SAMD4A: variants seen among roughly 807,000 people sequenced by gnomAD.
SAMD4A encodes the protein sterile alpha motif domain containing 4A, also known as protein Smaug homolog 1.
In SAMD4A, 33 loss-of-function variants were observed where a neutral mutation model predicts 81.3. The observed-to-expected ratio is 0.41, with a 90% confidence interval of 0.31 to 0.54. The LOEUF is 0.54. Among genes scored for constraint, SAMD4A ranks in the 20% least tolerant of loss-of-function variants. SAMD4A has a pLI of 0.37. For missense variants in SAMD4A, 854 were observed against 951.1 expected, an observed-to-expected ratio of 0.90 and a Z score of 1.34; for synonymous variants, 389 against 382.1, an observed-to-expected ratio of 1.02 and a Z score of -0.21.
intron 6 of SAMD4A, among the ~76,000 whole-genome samples, chr14:54,753,698 G>A (rs2038170213): frequency 6.7e-6 from 1 of 150,264 alleles, no homozygotes; most frequent in Non-Finnish European, 1.5e-5. Flanking sequence ...ATATAACTTT[G>A]TAAGAAACGT....
intron 8 of SAMD4A, among the ~76,000 whole-genome samples, chr14:54,767,986 C>T (rs945668989): frequency 2.0e-5 from 3 of 152,246 alleles, no homozygotes; most frequent in Admixed American, 6.5e-5. Context: ...CCCAGGAAGG[C>T]GCCAACATTC....
In SAMD4A at chr14:54,704,820, G is replaced by A. The variant is rs1022282504; in HGVS notation, c.715+2240G>A. The stretch of plus-strand genomic sequence containing the variant: ...CAATAATATCTCTTTAAGAAAATGC[G>A]AATGTCATTGCTGTACTCCTCTGTG... On this transcript the variant is annotated intron_variant, in intron 3 of 12. Transcript: ENST00000554335. 2.4e-4 allele frequency among the ~76,000 whole-genome samples: 37 copies of A among 152,176 alleles called. 1 individual carries two copies. The highest frequency in any genetic ancestry group is 8.4e-4 in the African/African-American group (35 of 41,446).
rs147523222 is a variant in SAMD4A, at chr14:54,583,270, C to T, written c.196+15158C>T. ...AGGAACCCCAGCTAAATTTGAACTG[C>T]GAATGGGGCATACTTATACCACATA... On this transcript the variant is annotated intron_variant, in intron 2 of 12. Coordinates refer to ENST00000554335, the MANE Select transcript of SAMD4A (RefSeq NM_015589.6). Among the ~76,000 whole-genome samples, 493 of 152,198 alleles carry T rather than the reference C, an allele frequency of 3.2e-3. 4 individuals are homozygous for T. Among genetic ancestry groups the T allele is most frequent in the African/African-American group, 7.9e-3 (326 of 41,526 alleles).
At chr14:54,694,763 T>A in intron 2 of SAMD4A, 1 of 985,422 alleles carries the variant, frequency 1.0e-6, no homozygotes, top group Non-Finnish European at 1.2e-6. Flanking sequence ...TAACCCTAAC[T>A]TGAGTCCTTG....
chr14:54,566,655 G>T (rs1432364330), upstream of SAMD4A, among the ~76,000 whole-genome samples: 2 of 151,740 alleles, frequency 1.3e-5, no homozygotes, highest in African/African-American at 4.8e-5. Flanking sequence ...CGTGTGCCCA[G>T]CGCTGTGCCG....
At position 54,602,323 on chromosome 14, in the gene SAMD4A, TACACACACACACAC is replaced by T. The variant is rs3049830; in HGVS notation, c.196+34250_196+34263del. On this transcript the variant is annotated intron_variant, in intron 2 of 12. Coordinates refer to ENST00000554335, the MANE Select transcript of SAMD4A (RefSeq NM_015589.6). ...CCATTGCTAGAGGACTGCTTTAAAA[TACACACACACACAC>T]ACACACACACACACACACACACACA... Among the ~76,000 whole-genome samples, 818 of 136,630 alleles carry T rather than the reference TACACACACACACAC, an allele frequency of 6.0e-3. 3 individuals are homozygous for T. The highest frequency in any genetic ancestry group is 0.014 in the South Asian group (56 of 4,006). 89.6% of individuals were successfully genotyped at this position (136,630 alleles called of 152,430 possible). A position where few individuals can be genotyped will look rare whatever the true frequency, so the allele number is the denominator to read the frequency against.
At chr14:54,658,964 A>T (rs2035582175) in intron 2 of SAMD4A, among the ~76,000 whole-genome samples, 1 of 152,224 alleles carries the variant, frequency 6.6e-6, no homozygotes, top group Non-Finnish European at 1.5e-5. Context: ...TGGCCAAGTA[A>T]CCTGGCCTCT....
At position 54,662,349 on chromosome 14, in the gene SAMD4A, A is replaced by G. The variant is rs546624824; in HGVS notation, c.197-39713A>G. Among the ~76,000 whole-genome samples, 101 of 151,224 alleles carry G rather than the reference A, an allele frequency of 6.7e-4. 1 individual carries two copies. Among genetic ancestry groups the G allele is most frequent in the African/African-American group, 2.3e-3 (94 of 41,206 alleles). On this transcript the variant is annotated intron_variant, in intron 2 of 12. Coordinates refer to ENST00000554335, the MANE Select transcript of SAMD4A (RefSeq NM_015589.6). ...TCTCTTGTTTCACATTAAAGAGTGT[A>G]TGATTATTGTACTTATTGGCAGAGA...
intron 3 of SAMD4A, chr14:54,735,212 T>C (rs2037661761): frequency 2.5e-4 from 1 of 4,062 alleles, no homozygotes; most frequent in African/African-American, 5.4e-4. Context: ...GCCGCTTCGT[T>C]TTTTTTTTTT....
At chr14:54,740,852 T>A (rs780517161) in intron 4 of SAMD4A, among the ~76,000 whole-genome samples, 2 of 152,248 alleles carry the variant, frequency 1.3e-5, no homozygotes, top group Admixed American at 6.5e-5. Flanking sequence ...TTAGTAAATG[T>A]CCATCCTTAT....
chr14:54,648,496 G>C (rs1340831793), intron 2 of SAMD4A, among the ~76,000 whole-genome samples: 1 of 152,218 alleles, frequency 6.6e-6, no homozygotes, highest in African/African-American at 2.4e-5. Flanking sequence ...GACAGAATGT[G>C]TATCCTGAGG....
intron 2 of SAMD4A, chr14:54,681,655 C>T (rs2036131791): frequency 3.7e-6 from 1 of 273,322 alleles, no homozygotes; most frequent in Non-Finnish European, 5.6e-6. Context: ...TGGTCTCAAA[C>T]TCCTGGGTTT....
chr14:54,599,744 G>A (rs926394171), intron 2 of SAMD4A, among the ~76,000 whole-genome samples: 1 of 152,188 alleles, frequency 6.6e-6, no homozygotes, highest in East Asian at 1.9e-4. Flanking sequence ...AAACTAAAAT[G>A]TTACACGGAT....
At chr14:54,637,015 G>A (rs879289985) in intron 2 of SAMD4A, among the ~76,000 whole-genome samples, 1 of 152,062 alleles carries the variant, frequency 6.6e-6, no homozygotes, top group Non-Finnish European at 1.5e-5. Flanking sequence ...CACCAGGGGA[G>A]TGACGGTAAA....
At chr14:54,604,065 C>T (rs2034134618) in intron 2 of SAMD4A, among the ~76,000 whole-genome samples, 1 of 152,140 alleles carries the variant, frequency 6.6e-6, no homozygotes, top group African/African-American at 2.4e-5. Context: ...CCTCATGATC[C>T]ACCCACCTCG....
chr14:54,783,174 A>T (rs59182763), intron 11 of SAMD4A, among the ~76,000 whole-genome samples: 1 of 151,158 alleles, frequency 6.6e-6, no homozygotes, highest in African/African-American at 2.5e-5. Context: ...AAAAAAAAAA[A>T]CAAAAAGGAT....
chr14:54,623,179 A>T (rs2034658600), intron 2 of SAMD4A, among the ~76,000 whole-genome samples: 1 of 151,836 alleles, frequency 6.6e-6, no homozygotes, highest in Non-Finnish European at 1.5e-5. Flanking sequence ...TTCTTCTGAG[A>T]CCCTGATGGC....
intron 2 of SAMD4A, among the ~76,000 whole-genome samples, chr14:54,633,617 G>C (rs1221560802): frequency 1.3e-5 from 2 of 151,996 alleles, no homozygotes; most frequent in Non-Finnish European, 2.9e-5. Flanking sequence ...GGTGGAGCCT[G>C]CTGGTTTTGC....
intron 4 of SAMD4A, among the ~76,000 whole-genome samples, chr14:54,740,312 G>C (rs2037814079): frequency 6.6e-6 from 1 of 152,242 alleles, no homozygotes; most frequent in Non-Finnish European, 1.5e-5. Context: ...AGTGTCAGCT[G>C]TTTTAAAGTA....
Sources: gnomAD v4.1 joint callset for allele counts (sites outside exome capture counted in the v4.1 genomes callset) on GRCh38, gnomAD v4.1.1 for gene constraint, MANE v1.5 for transcripts, NCBI Gene and HGNC (gene_info 2026-07-23, HGNC 2026-07-21) for gene names.